TRIM67: variants seen among roughly 807,000 people sequenced by gnomAD.
TRIM67 encodes the protein tripartite motif-containing protein 67.
A neutral mutation model predicts 71.0 loss-of-function variants in TRIM67; 39 were observed. That is an observed-to-expected ratio of 0.55 (90% CI 0.43 to 0.72). The LOEUF (loss-of-function observed/expected upper bound fraction) is 0.72, where lower values mean the gene tolerates loss of function less well. Ranked by LOEUF, TRIM67 falls within the 30% of genes least tolerant of loss-of-function variation. The pLI is 0.00. For synonymous variants in TRIM67, 481 were observed against 473.9 expected (o/e 1.01, Z -0.19); for missense variants, 973 against 1,079.2 (o/e 0.90, Z 1.38).
At chr1:231,201,233 T>C in intron 4 of TRIM67, 125 bp from the exon 5 acceptor site, 1 of 1,008,926 alleles carries the variant, frequency 9.9e-7, no homozygotes, top group Admixed American at 2.9e-5. Flanking sequence ...CTGCCATGGC[T>C]CTAGAGCACA....
chr1:231,219,354 A>G lies in TRIM67; in HGVS notation c.*3914A>G. ...TCCTGGGGGCCTCCACAAGTTGAGA[A>G]CCACCAGGTTATGCCAGTGGTTTGT... On this transcript the variant is annotated 3_prime_UTR_variant, in exon 10 of 10. Transcript: ENST00000366653. The G allele has an allele frequency of 1.0e-6, 1 of 987,134 alleles. No homozygotes were observed. Among genetic ancestry groups the G allele is most frequent in the Non-Finnish European group, 1.2e-6 (1 of 831,150 alleles). The allele number at this position is 987,134 out of a possible 1,614,324, so 61.1% of individuals were successfully genotyped here.
intron 1 of TRIM67, among the ~76,000 whole-genome samples, chr1:231,165,107 G>A (rs1682416610): frequency 6.6e-6 from 1 of 152,142 alleles, no homozygotes; most frequent in African/African-American, 2.4e-5. Flanking sequence ...CCAACATTTG[G>A]CAATGTCTGG....
intron 1 of TRIM67, among the ~76,000 whole-genome samples, chr1:231,190,368 C>T (rs534838598): frequency 5.9e-5 from 9 of 152,250 alleles, no homozygotes; most frequent in South Asian, 2.1e-4. Flanking sequence ...ACTGGCTTAG[C>T]GACACAAACA....
At position 231,218,164 on chromosome 1, in the gene TRIM67, C is replaced by T. The variant is rs1684060334; in HGVS notation, c.*2724C>T. 2.9e-6 allele frequency: 3 copies of T among 1,033,470 alleles called. No individual in the cohort carries two copies. Among genetic ancestry groups the T allele is most frequent in the African/African-American group, 1.7e-5 (1 of 59,656 alleles). 64.0% of individuals were successfully genotyped at this position (1,033,470 alleles called of 1,614,324 possible). A position where few individuals can be genotyped will look rare whatever the true frequency, so the allele number is the denominator to read the frequency against. On this transcript the variant is annotated 3_prime_UTR_variant, in exon 10 of 10. Transcript: ENST00000366653. Reference sequence around the variant, plus strand: ...GTGAAGAAGGAACTTATCAATTCCTCATGGCCAGGAAGGTCCCGGGTTTCA... The same window carrying T: ...GTGAAGAAGGAACTTATCAATTCCTTATGGCCAGGAAGGTCCCGGGTTTCA...
Position 231,163,632 on chromosome 1 carries a change from G to A in TRIM67, c.663G>A (p.Thr221=), listed in dbSNP as rs760320878. Residue 221 remains threonine, a synonymous_variant, in exon 1 of 10, where the codon ACG becomes ACA. Coordinates refer to ENST00000366653, the MANE Select transcript of TRIM67 (RefSeq NM_001004342.5). ...GCACCCCGCCAGAGCCAGCAGCCAC[G>A]CTCTGCGAGCAGTGCGACGTCCTCT... ...CDRTPPEPAA[T]LCEQCDVLYC... 30 of 1,522,144 alleles carry A rather than the reference G, an allele frequency of 2.0e-5. 1 individual carries two copies. The South Asian group carries it at 3.2e-4, about 16-fold the overall frequency. The allele number at this position is 1,522,144 out of a possible 1,614,324, so 94.3% of individuals were successfully genotyped here. A position where few individuals can be genotyped will look rare whatever the true frequency, so the allele number is the denominator to read the frequency against.
At chr1:231,170,951 G>A (rs1233507585) in intron 1 of TRIM67, among the ~76,000 whole-genome samples, 12 of 152,224 alleles carry the variant, frequency 7.9e-5, no homozygotes, top group Non-Finnish European at 1.6e-4. Flanking sequence ...CAACCTGGGA[G>A]CTCACTGAAA....
At chr1:231,198,081 C>T (rs773619394) in intron 2 of TRIM67, among the ~76,000 whole-genome samples, 1 of 152,216 alleles carries the variant, frequency 6.6e-6, no homozygotes, top group Non-Finnish European at 1.5e-5. Flanking sequence ...TAGCACTCTA[C>T]GTGCCATGTC....
intron 8 of TRIM67, among the ~76,000 whole-genome samples, chr1:231,210,183 G>A (rs1052492046): frequency 6.6e-6 from 1 of 152,178 alleles, no homozygotes; most frequent in Non-Finnish European, 1.5e-5. Flanking sequence ...CTCCTGGTCT[G>A]CTAAGGGCCA....
At chr1:231,206,524 C>A in intron 6 of TRIM67, 128 bp from the exon 7 acceptor site, 1 of 908,644 alleles carries the variant, frequency 1.1e-6, no homozygotes, top group Non-Finnish European at 1.6e-6. Flanking sequence ...CCCACCTCAG[C>A]TTCCTGAGTA....
chr1:231,182,671 C>T (rs1682939035), intron 1 of TRIM67, among the ~76,000 whole-genome samples: 1 of 152,188 alleles, frequency 6.6e-6, no homozygotes, highest in Non-Finnish European at 1.5e-5. Context: ...GTGAAGGTGG[C>T]TTGCATCTTG....
At chr1:231,212,289 G>A (rs1352992214) in intron 8 of TRIM67, among the ~76,000 whole-genome samples, 1 of 152,180 alleles carries the variant, frequency 6.6e-6, no homozygotes, top group African/African-American at 2.4e-5. Context: ...TGCCGGACAC[G>A]AACTCAAGGT....
rs544600391 is a variant in TRIM67 at position 231,167,573 on chromosome 1, C to T, written c.1044+3560C>T. On this transcript the variant is annotated intron_variant, in intron 1 of 9. Transcript: ENST00000366653. ...TCCTGACCTCGTGATCCGCCCGCCT[C>T]GGCCTCCCAAAGTGCTGGGATTACA... Among the ~76,000 whole-genome samples the T allele has an allele frequency of 2.7e-3, 284 of 106,300 alleles. 26 individuals carry two copies. Among genetic ancestry groups the T allele is most frequent in the Non-Finnish European group, 3.6e-3 (214 of 58,702 alleles). 69.7% of individuals were successfully genotyped at this position (106,300 alleles called of 152,430 possible). A position where few individuals can be genotyped will look rare whatever the true frequency, so the allele number is the denominator to read the frequency against.
chr1:231,219,604 C>A lies in TRIM67; in HGVS notation c.*4164C>A. The A allele has an allele frequency of 8.8e-7, 1 of 1,133,508 alleles. No homozygotes were observed. Among genetic ancestry groups the A allele is most frequent in the East Asian group, 7.1e-5 (1 of 14,118 alleles). 70.2% of individuals were successfully genotyped at this position (1,133,508 alleles called of 1,614,324 possible). A position where few individuals can be genotyped will look rare whatever the true frequency, so the allele number is the denominator to read the frequency against. ...GAAGATGCCCCCTGCCCGCTCCCCA[C>A]TTCCTAGAAAGCAAAACTCGTTACC... On this transcript the variant is annotated 3_prime_UTR_variant, in exon 10 of 10. Transcript: ENST00000366653.
intron 1 of TRIM67, among the ~76,000 whole-genome samples, chr1:231,186,359 C>G (rs571759186): frequency 6.6e-6 from 1 of 152,340 alleles, no homozygotes; most frequent in Middle Eastern, 3.4e-3. Context: ...TTTAGTCCCT[C>G]TGTATTCTTT....
At chr1:231,178,797 G>A (rs1319163218) in intron 1 of TRIM67, among the ~76,000 whole-genome samples, 6 of 152,098 alleles carry the variant, frequency 3.9e-5, no homozygotes, top group South Asian at 4.2e-4. Context: ...AACCACTCTC[G>A]GCCAGTTTCC....
At chr1:231,213,450 G>C (rs1439139731) in intron 8 of TRIM67, among the ~76,000 whole-genome samples, 1 of 152,156 alleles carries the variant, frequency 6.6e-6, no homozygotes. Flanking sequence ...TTCTTGGCCG[G>C]GTACAGTGGC....
intron 1 of TRIM67, among the ~76,000 whole-genome samples, chr1:231,167,674 C>G (rs184204880): frequency 1.3e-5 from 2 of 151,988 alleles, no homozygotes; most frequent in Non-Finnish European, 2.9e-5. Context: ...AGGCTTGTCT[C>G]CAACTCCTGG....
intron 1 of TRIM67, among the ~76,000 whole-genome samples, chr1:231,169,991 C>CTTTTTTTTTTTTTTTTTTTTTTTT (rs1342320930): frequency 2.3e-5 from 3 of 130,178 alleles, no homozygotes; most frequent in African/African-American, 7.8e-5. Flanking sequence ...TTTTCTTTCT[C>CTTTTTTTTTTTTTTTTTTTTTTTT]TCTTTTTTTT....
chr1:231,178,595 T>A (rs1024816848), intron 1 of TRIM67, among the ~76,000 whole-genome samples: 3 of 152,216 alleles, frequency 2.0e-5, no homozygotes, highest in Non-Finnish European at 2.9e-5. Flanking sequence ...TTTAACCTAA[T>A]TGAGCTCACT....
Sources: gnomAD v4.1 joint callset for allele counts (sites outside exome capture counted in the v4.1 genomes callset) on GRCh38, gnomAD v4.1.1 for gene constraint, MANE v1.5 for transcripts, NCBI Gene and HGNC (gene_info 2026-07-23, HGNC 2026-07-21) for gene names.